The following SPTLC3 variants were observed in gnomAD, a reference collection of about 807,000 sequenced individuals.
SPTLC3 encodes serine palmitoyltransferase 3.
A neutral mutation model predicts 59.3 loss-of-function variants in SPTLC3; 36 were observed. That is an observed-to-expected ratio of 0.61 (90% CI 0.47 to 0.80). The LOEUF (loss-of-function observed/expected upper bound fraction) is 0.80, where lower values mean the gene tolerates loss of function less well. Among genes scored for constraint, SPTLC3 ranks in the 30% least tolerant of loss-of-function variants. SPTLC3 has a pLI of 0.00. For missense variants in SPTLC3, 625 were observed against 685.1 expected (o/e 0.91, Z 0.98); for synonymous variants, 257 against 240.8 (o/e 1.07, Z -0.62).
chr20:13,020,138 T>C (rs1008852929), intron 1 of SPTLC3, among the ~76,000 whole-genome samples: 2 of 152,032 alleles, frequency 1.3e-5, no homozygotes, highest in Non-Finnish European at 2.9e-5. Flanking sequence ...CACAAATTGA[T>C]CCACCAAAAA....
At chr20:13,045,972 A>G (rs1214359461) in intron 1 of SPTLC3, among the ~76,000 whole-genome samples, 2 of 152,142 alleles carry the variant, frequency 1.3e-5, no homozygotes, top group Non-Finnish European at 2.9e-5. Context: ...AAACCTGCTG[A>G]TTGCCATGGG....
At chr20:13,048,383 C>T (rs572777556) in intron 1 of SPTLC3, among the ~76,000 whole-genome samples, 167 of 152,188 alleles carry the variant, frequency 1.1e-3, no homozygotes, top group Non-Finnish European at 1.4e-3. Flanking sequence ...TTTTAAAAGA[C>T]CAGGACAGTT....
chr20:13,141,564 G>T (rs2038384237), intron 9 of SPTLC3, among the ~76,000 whole-genome samples: 1 of 152,142 alleles, frequency 6.6e-6, no homozygotes, highest in South Asian at 2.1e-4. Flanking sequence ...AAAACAAGAG[G>T]CATCTACAAA....
chr20:13,080,718 G>A (rs537482637), intron 4 of SPTLC3, among the ~76,000 whole-genome samples: 2 of 152,184 alleles, frequency 1.3e-5, no homozygotes, highest in Admixed American at 6.5e-5. Context: ...GAAAATTAGA[G>A]AGCAATTTGA....
chr20:13,155,401 C>T (rs1472964573), intron 10 of SPTLC3, among the ~76,000 whole-genome samples: 1 of 152,040 alleles, frequency 6.6e-6, no homozygotes, highest in African/African-American at 2.4e-5. Context: ...TTGAAAAGTA[C>T]CAATAAAAGA....
chr20:13,147,626 T>A (rs2122922576), intron 9 of SPTLC3, among the ~76,000 whole-genome samples: 1 of 152,284 alleles, frequency 6.6e-6, no homozygotes, highest in East Asian at 1.9e-4. Flanking sequence ...TTCTTTAATA[T>A]CAATTTGATT....
chr20:13,053,302 C>A (rs1054490821), intron 2 of SPTLC3, among the ~76,000 whole-genome samples: 4 of 152,110 alleles, frequency 2.6e-5, no homozygotes, highest in African/African-American at 9.7e-5. Flanking sequence ...AGCAGAGGGG[C>A]CTGACTGTTA....
At chr20:13,109,094 C>T (rs747482032) in intron 6 of SPTLC3, among the ~76,000 whole-genome samples, 1 of 152,182 alleles carries the variant, frequency 6.6e-6, no homozygotes, top group Non-Finnish European at 1.5e-5. Context: ...AATACACACA[C>T]ATGTACATAT....
chr20:13,094,603 A>C (rs1989347757), intron 6 of SPTLC3, among the ~76,000 whole-genome samples: 1 of 152,188 alleles, frequency 6.6e-6, no homozygotes, highest in African/African-American at 2.4e-5. Context: ...AATTGTTTCA[A>C]TTCTGTTCTG....
At chr20:13,066,550 A>G (rs1988219566) in intron 2 of SPTLC3, among the ~76,000 whole-genome samples, 1 of 152,238 alleles carries the variant, frequency 6.6e-6, no homozygotes, top group Non-Finnish European at 1.5e-5. Context: ...GACTCCTTGC[A>G]TATACTGAAA....
chr20:13,112,291 C>T (rs2122713008), intron 7 of SPTLC3, among the ~76,000 whole-genome samples: 1 of 152,322 alleles, frequency 6.6e-6, no homozygotes, highest in South Asian at 2.1e-4. Context: ...TACTGGCTCT[C>T]ACCTGGAGTG....
intron 7 of SPTLC3, among the ~76,000 whole-genome samples, chr20:13,113,625 G>A (rs546619406): frequency 5.3e-5 from 8 of 152,166 alleles, no homozygotes; most frequent in Non-Finnish European, 7.3e-5. Context: ...CTGGGACCTA[G>A]GTTCAAATCC....
intron 1 of SPTLC3, among the ~76,000 whole-genome samples, chr20:13,044,510 G>A (rs1416666525): frequency 6.6e-6 from 1 of 152,134 alleles, no homozygotes. Context: ...GACAAATCCA[G>A]CAAGGAAGCC....
intron 6 of SPTLC3, among the ~76,000 whole-genome samples, chr20:13,095,266 C>A (rs560583881): frequency 6.6e-6 from 1 of 152,170 alleles, no homozygotes; most frequent in Non-Finnish European, 1.5e-5. Flanking sequence ...TGTGGTTAAA[C>A]GTGATAATCT....
intron 4 of SPTLC3, among the ~76,000 whole-genome samples, chr20:13,090,729 T>C (rs959443669): frequency 1.3e-5 from 2 of 152,214 alleles, no homozygotes; most frequent in African/African-American, 2.4e-5. Flanking sequence ...ATCTGTTTTG[T>C]CTGGTTGCAT....
At chr20:13,102,156 A>G (rs2122655297) in intron 6 of SPTLC3, among the ~76,000 whole-genome samples, 1 of 152,316 alleles carries the variant, frequency 6.6e-6, no homozygotes, top group East Asian at 1.9e-4. Context: ...GTTTAAGTAA[A>G]AAGTTAAACC....
chr20:13,083,166 AG>A (rs1568593748), intron 4 of SPTLC3, among the ~76,000 whole-genome samples: 1 of 152,178 alleles, frequency 6.6e-6, no homozygotes, highest in Non-Finnish European at 1.5e-5. Flanking sequence ...TAAGTAGCCC[AG>A]GGTTGAAAAG....
chr20:13,071,806 T>C (rs942667909), intron 2 of SPTLC3, among the ~76,000 whole-genome samples: 1 of 152,164 alleles, frequency 6.6e-6, no homozygotes, highest in Non-Finnish European at 1.5e-5. Context: ...ATGTAACAGC[T>C]AGCCACCCTC....
intron 2 of SPTLC3, among the ~76,000 whole-genome samples, chr20:13,070,033 G>GA (rs1053428391): frequency 1.3e-5 from 2 of 151,904 alleles, no homozygotes; most frequent in African/African-American, 4.8e-5. Context: ...TAAACAGTCT[G>GA]AAAAAAATGT....
Sources: gnomAD v4.1 joint callset for allele counts (sites outside exome capture counted in the v4.1 genomes callset) on GRCh38, gnomAD v4.1.1 for gene constraint, MANE v1.5 for transcripts, NCBI Gene and HGNC (gene_info 2026-07-23, HGNC 2026-07-21) for gene names.